The following CCL28 variants were observed in gnomAD, a reference collection of about 807,000 sequenced individuals.
CCL28 encodes the protein C-C motif chemokine ligand 28, also known as C-C motif chemokine 28.
A neutral mutation model predicts 7.1 loss-of-function variants in CCL28; 4 were observed. The observed-to-expected ratio is 0.56, with a 90% CI of 0.28 to 1.29. CCL28 has a LOEUF of 1.29. Ranked by LOEUF, CCL28 falls within the 50% of genes most tolerant of loss-of-function variation. The probability of loss-of-function intolerance (pLI) is 0.11; values close to 1 mark genes in which losing one functional copy is unlikely to be tolerated. For synonymous variants in CCL28, 55 were observed against 57.8 expected (o/e 0.95, Z 0.22); for missense variants, 151 against 163.4 (o/e 0.92, Z 0.41).
chr5:43,388,232 C>T lies in CCL28; in HGVS notation c.191+118G>A, dbSNP rs528554358. ...TGGACAGAATATTTACTCTTCCCTC[C>T]CTTGTTTGGATGATTGTTTGTATGT... On this transcript the variant is annotated intron_variant, in intron 2 of 2. Transcript: ENST00000361115. 3.1e-6 allele frequency: 4 copies of T among 1,299,276 alleles called. No homozygotes were observed. In the East Asian group the frequency reaches 9.4e-5, roughly 31 times the overall value. 80.5% of individuals were successfully genotyped at this position (1,299,276 alleles called of 1,614,324 possible).
At chr5:43,386,256 C>T (rs529333544) in intron 2 of CCL28, among the ~76,000 whole-genome samples, 38 of 152,254 alleles carry the variant, frequency 2.5e-4, no homozygotes, top group South Asian at 2.1e-3. Flanking sequence ...TTTTACTTTC[C>T]AACTATTACC....
chr5:43,407,417 T>A (rs1180431321), intron 1 of CCL28, among the ~76,000 whole-genome samples: 5 of 152,156 alleles, frequency 3.3e-5, no homozygotes, highest in Non-Finnish European at 7.3e-5. Context: ...TAATAAATGG[T>A]GCTGGGAAAA....
the CCL28 span, among the ~76,000 whole-genome samples, chr5:43,361,948 T>TC: frequency 0.53 from 81,022 of 151,662 alleles, 22,424 homozygotes; most frequent in African/African-American, 0.63. Flanking sequence ...CCAGCTTTGT[T>TC]TTTTTGCTTA....
At chr5:43,412,102 C>G (rs1741556450) in intron 1 of CCL28, 151 bp downstream of exon 1, 1 of 520,348 alleles carries the variant, frequency 1.9e-6, no homozygotes, top group East Asian at 3.2e-5. Flanking sequence ...GAATTTAAAG[C>G]TATGTCATTC....
chr5:43,400,371 G>T (rs1238378562), intron 1 of CCL28, among the ~76,000 whole-genome samples: 2 of 152,058 alleles, frequency 1.3e-5, no homozygotes, highest in African/African-American at 4.8e-5. Context: ...TATTGTTGGA[G>T]AGTGGGGTCT....
rs117885163 is a variant in CCL28, at chr5:43,386,628, A to G, written c.191+1722T>C. On this transcript the variant is annotated intron_variant, in intron 2 of 2. Coordinates refer to ENST00000361115, the MANE Select transcript of CCL28 (RefSeq NM_148672.3). Reference sequence around the variant, plus strand: ...AAACTTTGAGAATCTTATAAAACCTATGGACCCTCTAAAAATGCTCACAGG... The same window carrying G: ...AAACTTTGAGAATCTTATAAAACCTGTGGACCCTCTAAAAATGCTCACAGG... 4.3e-4 allele frequency among the ~76,000 whole-genome samples: 66 copies of G among 152,342 alleles called. No homozygotes were observed. In the East Asian group the frequency reaches 0.012, roughly 28 times the overall value.
chr5:43,378,865 GC>G (rs1281715864), downstream of CCL28, among the ~76,000 whole-genome samples: 1 of 152,088 alleles, frequency 6.6e-6, no homozygotes, highest in African/African-American at 2.4e-5. Context: ...GGAGGCTGAG[GC>G]AAGGGAATTG....
chr5:43,364,894 T>G, the CCL28 span, among the ~76,000 whole-genome samples: 1 of 152,182 alleles, frequency 6.6e-6, no homozygotes. Context: ...CTTTTTTTGT[T>G]GTTTTCAATT....
downstream of CCL28, among the ~76,000 whole-genome samples, chr5:43,374,896 T>C (rs543105038): frequency 5.9e-5 from 9 of 152,190 alleles, no homozygotes; most frequent in Non-Finnish European, 1.0e-4. Context: ...AGTGAAGCAT[T>C]TTAGATTGTC....
chr5:43,384,558 C>T (rs1246573481), intron 2 of CCL28, among the ~76,000 whole-genome samples: 3 of 152,102 alleles, frequency 2.0e-5, no homozygotes, highest in African/African-American at 7.2e-5. Flanking sequence ...CCATAGTATT[C>T]TGATGGGCAC....
chr5:43,397,656 A>G (rs1373002920), intron 1 of CCL28, among the ~76,000 whole-genome samples: 2 of 152,238 alleles, frequency 1.3e-5, no homozygotes, highest in Non-Finnish European at 2.9e-5. Flanking sequence ...TTAAATAAAA[A>G]CAAAATCTGA....
At position 43,380,672 on chromosome 5, in the gene CCL28, A is replaced by G. The variant is rs1740074072; in HGVS notation, c.*1188T>C. The G allele has an allele frequency of 6.6e-6, 1 of 151,836 alleles. No individual in the cohort carries two copies. Among genetic ancestry groups the G allele is most frequent in the South Asian group, 2.1e-4 (1 of 4,800 alleles). The allele number at this position is 151,836 out of a possible 1,614,324, so 9.4% of individuals were successfully genotyped here. ...ACAAAATTAGCCAGGTGTGGTGGGT[A>G]TGCACCTTGATCCCAGATACTCGGG... On this transcript the variant is annotated 3_prime_UTR_variant, in exon 3 of 3. Coordinates refer to ENST00000361115, the MANE Select transcript of CCL28 (RefSeq NM_148672.3).
chr5:43,365,927 C>T, the CCL28 span, among the ~76,000 whole-genome samples: 1 of 152,100 alleles, frequency 6.6e-6, no homozygotes, highest in African/African-American at 2.4e-5. Context: ...ATCTCTGATA[C>T]CCTTTCTTCC....
Position 43,379,927 on chromosome 5 carries a change from C to G in CCL28, c.*1933G>C, listed in dbSNP as rs1740036135. On this transcript the variant is annotated 3_prime_UTR_variant, in exon 3 of 3. Coordinates refer to ENST00000361115, the MANE Select transcript of CCL28 (RefSeq NM_148672.3). ...TTGAGGTCAAGAGTTTGAGACCAGC[C>G]CGGCCAACGTGGGAAAACCCCGTCT... 1 of 152,078 alleles carries G rather than the reference C, an allele frequency of 6.6e-6. No individual in the cohort carries two copies. The highest frequency in any genetic ancestry group is 2.4e-5 in the African/African-American group (1 of 41,396). 9.4% of individuals were successfully genotyped at this position (152,078 alleles called of 1,614,324 possible). A position where few individuals can be genotyped will look rare whatever the true frequency, so the allele number is the denominator to read the frequency against.
At chr5:43,378,894 G>A (rs187841766), downstream of CCL28, among the ~76,000 whole-genome samples, 296 of 152,082 alleles carry the variant, frequency 1.9e-3, 2 homozygotes, top group African/African-American at 6.8e-3. Flanking sequence ...CCAGGAGGCA[G>A]AGATTGCAGT....
chr5:43,409,183 T>C (rs952373398), intron 1 of CCL28, among the ~76,000 whole-genome samples: 1 of 152,176 alleles, frequency 6.6e-6, no homozygotes, highest in Non-Finnish European at 1.5e-5. Flanking sequence ...CTCAGCACTT[T>C]GTGAGGCCGA....
chr5:43,395,055 C>T (rs962942275), intron 1 of CCL28, among the ~76,000 whole-genome samples: 1 of 151,220 alleles, frequency 6.6e-6, no homozygotes, highest in Admixed American at 6.6e-5. Context: ...GTAGTTTTCT[C>T]TGTTCTTCCA....
intron 1 of CCL28, among the ~76,000 whole-genome samples, chr5:43,403,858 C>T (rs575880086): frequency 2.6e-4 from 39 of 152,088 alleles, no homozygotes; most frequent in Admixed American, 7.2e-4. Context: ...AACTACGTGA[C>T]GAATGCAGAA....
At chr5:43,360,320 G>T in the CCL28 span, among the ~76,000 whole-genome samples, 1 of 152,018 alleles carries the variant, frequency 6.6e-6, no homozygotes, top group African/African-American at 2.4e-5. Context: ...TCAAGTGCAG[G>T]TTTGTTATAT....
Sources: gnomAD v4.1 joint callset for allele counts (sites outside exome capture counted in the v4.1 genomes callset) on GRCh38, gnomAD v4.1.1 for gene constraint, MANE v1.5 for transcripts, NCBI Gene and HGNC (gene_info 2026-07-23, HGNC 2026-07-21) for gene names.